The following DYRK3 variants were observed in gnomAD, a reference collection of about 807,000 sequenced individuals.
DYRK3 encodes the protein dual specificity tyrosine-phosphorylation-regulated kinase 3.
A neutral mutation model predicts 40.8 loss-of-function variants in DYRK3; 30 were observed. That is an observed-to-expected ratio of 0.74 (90% CI 0.55 to 1.00). The LOEUF is 1.00. DYRK3 is among the 50% of genes least tolerant of loss of function. The pLI, the probability that DYRK3 is intolerant of heterozygous loss-of-function variation, is 0.00. For missense variants in DYRK3, 699 were observed against 731.5 expected (o/e 0.96, Z 0.51); for synonymous variants, 272 against 260.7 (o/e 1.04, Z -0.42).
chr1:206,641,622 G>T (rs1456408976), intron 2 of DYRK3, among the ~76,000 whole-genome samples: 3 of 150,178 alleles, frequency 2.0e-5, no homozygotes, highest in Non-Finnish European at 4.4e-5. Context: ...AATTGATTCA[G>T]GCCAGTATTT....
intron 2 of DYRK3, 47 bp downstream of exon 2, chr1:206,637,808 A>AG (rs1235018954): frequency 1.2e-5 from 17 of 1,473,962 alleles, no homozygotes; most frequent in Non-Finnish European, 1.5e-5. Context: ...TTTGGAAAGG[A>AG]GGAAGTGCTA....
At chr1:206,635,819 G>T (rs1671087757) in intron 1 of DYRK3, 39 bp downstream of exon 1, 1 of 1,243,348 alleles carries the variant, frequency 8.0e-7, no homozygotes. Context: ...AGGCGCCACA[G>T]GGAGCGGCTG....
At chr1:206,638,344 T>C (rs1413681431) in intron 2 of DYRK3, among the ~76,000 whole-genome samples, 1 of 146,854 alleles carries the variant, frequency 6.8e-6, no homozygotes, top group African/African-American at 2.5e-5. Context: ...TGGCATGATC[T>C]TGGCTCACTG....
rs1372513330 is a variant in DYRK3, at chr1:206,652,010, G to A, written c.*3045G>A. Among the ~76,000 whole-genome samples, 5 of 152,212 alleles carry A rather than the reference G, an allele frequency of 3.3e-5. No homozygotes were observed. The highest frequency in any genetic ancestry group is 5.9e-5 in the Non-Finnish European group (4 of 68,042). On this transcript the variant is annotated 3_prime_UTR_variant, in exon 3 of 3. Transcript: ENST00000367109. ...AGTTGGTTAAATGTAGCCAGCAGCA[G>A]TGTCAAGACAGCTGACACTGTCTTC... is the stretch of plus-strand genomic sequence containing the variant.
rs1352886076 is a variant in DYRK3 at position 206,648,166 on chromosome 1, T to C, written c.968T>C (p.Leu323Ser). 2 of 1,614,068 alleles carry C rather than the reference T, an allele frequency of 1.2e-6. No homozygotes were observed. The highest frequency in any genetic ancestry group is 1.7e-6 in the Non-Finnish European group (2 of 1,180,026). Residue 323 changes from leucine to serine, a missense_variant, in exon 3 of 3, where the codon TTG (leucine) becomes TCG (serine). Physicochemically the swap from Leu to Ser is moderately radical, Grantham distance 145 (BLOSUM62 -2). Transcript: ENST00000367109. The part of the protein sequence containing the change: ...RKFAQSILQS[L>S]DALHKNKIIH... ...TTTGCCCAGTCCATCTTGCAATCTT[T>C]GGATGCCCTCCACAAAAATAAGATT... is the stretch of plus-strand genomic sequence containing the variant.
In DYRK3 at chr1:206,644,688, C is replaced by T. The variant is rs536690084; in HGVS notation, c.190-2700C>T. ...CCAAGTAGCTGGGAATGCAGGTGCG[C>T]GCCACTACGCCTGGCTAATTTTTGT... is the stretch of plus-strand genomic sequence containing the variant. On this transcript the variant is annotated intron_variant, in intron 2 of 2. Coordinates refer to ENST00000367109, the MANE Select transcript of DYRK3 (RefSeq NM_003582.4). Among the ~76,000 whole-genome samples, 8 of 152,262 alleles carry T rather than the reference C, an allele frequency of 5.3e-5. No individual in the cohort carries two copies. The East Asian group carries it at 5.8e-4, about 11-fold the overall frequency.
chr1:206,654,821 C>T lies in DYRK3; in HGVS notation c.*5856C>T, dbSNP rs1281186322. Among the ~76,000 whole-genome samples the T allele has an allele frequency of 6.6e-6, 1 of 152,138 alleles. No homozygotes were observed. Among genetic ancestry groups the T allele is most frequent in the Admixed American group, 6.5e-5 (1 of 15,278 alleles). On this transcript the variant is annotated 3_prime_UTR_variant, in exon 3 of 3. Coordinates refer to ENST00000367109, the MANE Select transcript of DYRK3 (RefSeq NM_003582.4). ...GGGTATGATTCTTAATATAGCCCACCCATCGCTAAGTCAAGCCTAGACTCT... is the reference window on the plus strand; with the variant it reads ...GGGTATGATTCTTAATATAGCCCACTCATCGCTAAGTCAAGCCTAGACTCT...
intron 2 of DYRK3, among the ~76,000 whole-genome samples, chr1:206,640,835 C>T (rs1553419247): frequency 1.3e-5 from 2 of 152,124 alleles, no homozygotes; most frequent in African/African-American, 2.4e-5. Context: ...CAGGCGTGAG[C>T]CACCGTGCCT....
chr1:206,650,334 A>C lies in DYRK3; in HGVS notation c.*1369A>C, dbSNP rs1217530715. On this transcript the variant is annotated 3_prime_UTR_variant, in exon 3 of 3. Coordinates refer to ENST00000367109, the MANE Select transcript of DYRK3 (RefSeq NM_003582.4). ...GTAATCCCAGCACTTTGGGAGGCTGAGGTGGGTGGATTCCTTGAGCCCAGG... is the reference window on the plus strand; with the variant it reads ...GTAATCCCAGCACTTTGGGAGGCTGCGGTGGGTGGATTCCTTGAGCCCAGG... 1.3e-5 allele frequency among the ~76,000 whole-genome samples: 2 copies of C among 152,204 alleles called. No individual in the cohort carries two copies. The highest frequency in any genetic ancestry group is 4.8e-5 in the African/African-American group (2 of 41,448).
intron 1 of DYRK3, 33 bp from the exon 2 acceptor site, chr1:206,637,617 C>T: frequency 6.8e-7 from 1 of 1,468,222 alleles, no homozygotes; most frequent in Admixed American, 1.7e-5. Flanking sequence ...TCTTCAGTTC[C>T]TGACAGATTT....
rs373905157 is a variant in DYRK3, at chr1:206,651,788, T to C, written c.*2823T>C. ...CAGGGAGCATTGAACCTCTACAATT[T>C]GCTGCATTGGATTTCTGCATGGGTT... On this transcript the variant is annotated 3_prime_UTR_variant, in exon 3 of 3. Transcript: ENST00000367109. Among the ~76,000 whole-genome samples the C allele has an allele frequency of 5.9e-5, 9 of 152,234 alleles. No homozygotes were observed. Among genetic ancestry groups the C allele is most frequent in the African/African-American group, 9.6e-5 (4 of 41,464 alleles).
chr1:206,646,700 A>G (rs1298345340), intron 2 of DYRK3, among the ~76,000 whole-genome samples: 1 of 152,218 alleles, frequency 6.6e-6, no homozygotes, highest in Non-Finnish European at 1.5e-5. Context: ...CAGCCCTGCT[A>G]GTCTACAGGT....
In DYRK3 at chr1:206,651,333, A is replaced by G. The variant is rs1358515425; in HGVS notation, c.*2368A>G. On this transcript the variant is annotated 3_prime_UTR_variant, in exon 3 of 3. Coordinates refer to ENST00000367109, the MANE Select transcript of DYRK3 (RefSeq NM_003582.4). ...TTAACCACATTGCGTAGGTTTGGGAATTTTGCAGGTGCTAAATCATCATGG... is the reference window on the plus strand; with the variant it reads ...TTAACCACATTGCGTAGGTTTGGGAGTTTTGCAGGTGCTAAATCATCATGG... 1.1e-4 allele frequency among the ~76,000 whole-genome samples: 17 copies of G among 152,208 alleles called. No homozygotes were observed. Among genetic ancestry groups the G allele is most frequent in the Non-Finnish European group, 2.2e-4 (15 of 68,046 alleles).
intron 2 of DYRK3, among the ~76,000 whole-genome samples, chr1:206,638,129 A>G (rs1419491250): frequency 2.6e-5 from 4 of 152,204 alleles, no homozygotes; most frequent in African/African-American, 9.6e-5. Flanking sequence ...ATAGATCTGC[A>G]GGAGTTTTTT....
intron 2 of DYRK3, among the ~76,000 whole-genome samples, chr1:206,642,870 C>G (rs1446741653): frequency 1.3e-5 from 2 of 151,856 alleles, no homozygotes; most frequent in African/African-American, 4.8e-5. Flanking sequence ...CACATGTATA[C>G]ATATGTAACA....
Position 206,635,632 on chromosome 1 carries a change from C to A in DYRK3, c.-72C>A. 8.1e-7 allele frequency: 1 copy of A among 1,239,796 alleles called. No homozygotes were observed. Among genetic ancestry groups the A allele is most frequent in the South Asian group, 4.0e-5 (1 of 24,786 alleles). The allele number at this position is 1,239,796 out of a possible 1,614,324, so 76.8% of individuals were successfully genotyped here. ...AGCGTCGCGCCGCGGAGGCAGCCGT[C>A]CCGGCGTAGGTGGCGTGGCCGACCG... On this transcript the variant is annotated 5_prime_UTR_variant, in exon 1 of 3. Transcript: ENST00000367109.
At chr1:206,636,832 G>C (rs1326549263) in intron 1 of DYRK3, 1 of 1,362,116 alleles carries the variant, frequency 7.3e-7, no homozygotes, top group Admixed American at 2.2e-5. Flanking sequence ...GGGCCATCTT[G>C]TGGATTAAAT....
At chr1:206,644,234 C>G (rs1025300374) in intron 2 of DYRK3, among the ~76,000 whole-genome samples, 4 of 151,812 alleles carry the variant, frequency 2.6e-5, no homozygotes, top group Non-Finnish European at 4.4e-5. Flanking sequence ...GGGGTTTCAC[C>G]ATGTTGGTCA....
rs1671637648 is a variant in DYRK3, at chr1:206,651,738, T to C, written c.*2773T>C. 6.6e-6 allele frequency among the ~76,000 whole-genome samples: 1 copy of C among 152,144 alleles called. No individual in the cohort carries two copies. The highest frequency in any genetic ancestry group is 1.5e-5 in the Non-Finnish European group (1 of 68,022). ...CAGGATCCAAGTCAGATGAAGGAGG[T>C]GGCACACCTGGCTTAACTGCAGATC... On this transcript the variant is annotated 3_prime_UTR_variant, in exon 3 of 3. Transcript: ENST00000367109.
Sources: gnomAD v4.1 joint callset for allele counts (sites outside exome capture counted in the v4.1 genomes callset) on GRCh38, gnomAD v4.1.1 for gene constraint, MANE v1.5 for transcripts, NCBI Gene and HGNC (gene_info 2026-07-23, HGNC 2026-07-21) for gene names.